PCDHGA2: variants seen among roughly 807,000 people sequenced by gnomAD.
PCDHGA2 encodes the protein protocadherin gamma subfamily A, 2, also known as protocadherin gamma-A2.
Under a neutral mutation model 59.2 loss-of-function variants are expected in PCDHGA2, and 40 were observed. The ratio of observed to expected loss-of-function variants is 0.68; its 90% CI spans 0.52 to 0.88. The LOEUF (loss-of-function observed/expected upper bound fraction) is 0.88, where lower values mean the gene tolerates loss of function less well. Among genes scored for constraint, PCDHGA2 ranks in the 40% least tolerant of loss-of-function variants. The pLI, the probability that PCDHGA2 is intolerant of heterozygous loss-of-function variation, is 0.00. For synonymous variants in PCDHGA2, 560 were observed against 526.0 expected, an observed-to-expected ratio of 1.06 and a Z score of -0.89; for missense variants, 1,226 against 1,204.0, an observed-to-expected ratio of 1.02 and a Z score of -0.27.
intron 1 of PCDHGA2, chr5:141,365,630 A>G (rs1486638134): frequency 6.2e-7 from 1 of 1,613,404 alleles, no homozygotes; most frequent in East Asian, 2.2e-5. Context: ...GCCCCTCTCT[A>G]CAGAAAGCCA....
At chr5:141,371,919 G>A (rs765232758) in intron 1 of PCDHGA2, 2 of 1,613,372 alleles carry the variant, frequency 1.2e-6, no homozygotes, top group East Asian at 2.2e-5. Flanking sequence ...GTCCGTGAGC[G>A]CGCGGAGCGG....
chr5:141,357,310 T>C (rs1286451893), intron 1 of PCDHGA2: 2 of 1,613,980 alleles, frequency 1.2e-6, no homozygotes, highest in Non-Finnish European at 1.7e-6. Flanking sequence ...CTCCTGCGTC[T>C]TCCTGGCTTT....
chr5:141,439,363 A>G (rs922889903), intron 1 of PCDHGA2, among the ~76,000 whole-genome samples: 2 of 152,208 alleles, frequency 1.3e-5, no homozygotes, highest in African/African-American at 2.4e-5. Context: ...TCAAACATCA[A>G]GAAGAAATAA....
chr5:141,355,101 G>T, intron 1 of PCDHGA2: 2 of 1,500,200 alleles, frequency 1.3e-6, no homozygotes, highest in Non-Finnish European at 1.8e-6. Flanking sequence ...GAGAGCTCTG[G>T]CTGTGAATGC....
chr5:141,421,161 T>C (rs2096550274), intron 1 of PCDHGA2: 7 of 1,259,920 alleles, frequency 5.6e-6, no homozygotes, highest in Non-Finnish European at 7.5e-6. Flanking sequence ...TAGGACTTCA[T>C]AGATACATAA....
intron 1 of PCDHGA2, among the ~76,000 whole-genome samples, chr5:141,445,132 G>T (rs921068835): frequency 2.6e-5 from 4 of 152,026 alleles, no homozygotes; most frequent in Non-Finnish European, 5.9e-5. Flanking sequence ...TTTTAAAATT[G>T]TATCTTCTAA....
rs1449695914 is a variant in PCDHGA2, at chr5:141,339,877, A to G, written c.906A>G (p.Thr302=). 6.2e-7 allele frequency: 1 copy of G among 1,614,074 alleles called. No homozygotes were observed. The highest frequency in any genetic ancestry group is 8.5e-7 in the Non-Finnish European group (1 of 1,180,020). ...TTAAGTCAACATCTGGAGAACTGAC[A>G]ATCATAAAAGATCTAGATTATGAGG... ...FELKSTSGEL[T]IIKDLDYEDA... Residue 302 remains threonine (T), a synonymous_variant, in exon 1 of 4, where the codon ACA becomes ACG. Coordinates refer to ENST00000394576, the MANE Select transcript of PCDHGA2 (RefSeq NM_018915.4).
At chr5:141,418,326 C>T (rs1398536611) in intron 1 of PCDHGA2, 2 of 1,613,986 alleles carry the variant, frequency 1.2e-6, no homozygotes, top group Non-Finnish European at 1.7e-6. Context: ...ATTCTTGAGT[C>T]TGCAGAAGAT....
intron 1 of PCDHGA2, chr5:141,389,554 C>T: frequency 1.2e-6 from 2 of 1,613,184 alleles, no homozygotes; most frequent in South Asian, 1.1e-5. Context: ...AACGACAATG[C>T]GCCACGGGTG....
chr5:141,502,516 A>G (rs947349505), intron 2 of PCDHGA2, among the ~76,000 whole-genome samples: 1 of 152,146 alleles, frequency 6.6e-6, no homozygotes, highest in African/African-American at 2.4e-5. Flanking sequence ...TCCCACTATC[A>G]GTGATGCCGA....
chr5:141,394,891 TCGTGGTGGCAGTGG>T (rs1346277751), intron 1 of PCDHGA2: 11 of 1,613,892 alleles, frequency 6.8e-6, no homozygotes, highest in Non-Finnish European at 9.3e-6. Flanking sequence ...ACACTCTATC[TCGTGGTGGCAGTGG>T]CTGCCATCTC....
Position 141,339,861 on chromosome 5 carries a change from C to T in PCDHGA2, c.890C>T (p.Thr297Ile), listed in dbSNP as rs1225796950. Residue 297 changes from threonine (T) to isoleucine (I), a missense_variant, in exon 1 of 4, where the codon ACA becomes ATA. By Grantham distance (89) the Thr-to-Ile change is moderately conservative. Transcript: ENST00000394576. ...ETSEVFELKS[T>I]SGELTIIKDL... Reference sequence around the variant, plus strand: ...TCAGAGGTATTTGAGCTTAAGTCAACATCTGGAGAACTGACAATCATAAAA... The same window carrying T: ...TCAGAGGTATTTGAGCTTAAGTCAATATCTGGAGAACTGACAATCATAAAA... The T allele has an allele frequency of 6.2e-7, 1 of 1,614,026 alleles. No individual in the cohort carries two copies. Among genetic ancestry groups the T allele is most frequent in the East Asian group, 2.2e-5 (1 of 44,898 alleles).
At chr5:141,450,826 A>C (rs965147554) in intron 1 of PCDHGA2, among the ~76,000 whole-genome samples, 1 of 134,302 alleles carries the variant, frequency 7.4e-6, no homozygotes, top group African/African-American at 2.9e-5. Context: ...TATTATTATT[A>C]TTATTTTTTT....
Position 141,493,760 on chromosome 5 carries a change from G to C in PCDHGA2, c.2425-1047G>C, listed in dbSNP as rs1268832909. On this transcript the variant is annotated intron_variant, in intron 1 of 3. Coordinates refer to ENST00000394576, the MANE Select transcript of PCDHGA2 (RefSeq NM_018915.4). The surrounding 1 kb of genome is among the most constrained non-coding windows in gnomAD (Gnocchi z 4.3). ...ACTGCCACCTGTGAGCCTTGAGTGA[G>C]CCACTGGCAGTTCCGGAGCTTCCTT... Among the ~76,000 whole-genome samples, 1 of 152,166 alleles carries C rather than the reference G, an allele frequency of 6.6e-6. No individual in the cohort carries two copies. The highest frequency in any genetic ancestry group is 1.5e-5 in the Non-Finnish European group (1 of 68,022).
intron 1 of PCDHGA2, chr5:141,372,535 G>T (rs1257455687): frequency 1.9e-6 from 3 of 1,613,808 alleles, no homozygotes; most frequent in East Asian, 2.2e-5. Flanking sequence ...ATCTCCCTGC[G>T]CCTGCGATGC....
intron 1 of PCDHGA2, among the ~76,000 whole-genome samples, chr5:141,448,869 T>C (rs1375609555): frequency 6.6e-6 from 1 of 151,930 alleles, no homozygotes; most frequent in Non-Finnish European, 1.5e-5. Flanking sequence ...GGCGTGAACC[T>C]GGGAGGCGGA....
intron 1 of PCDHGA2, chr5:141,350,858 G>A: frequency 9.9e-6 from 16 of 1,614,058 alleles, no homozygotes; most frequent in Non-Finnish European, 1.3e-5. Context: ...TCTAGACAGG[G>A]AACATCAGAG....
At chr5:141,360,076 T>C (rs890042967) in intron 1 of PCDHGA2, 1 of 1,480,118 alleles carries the variant, frequency 6.8e-7, no homozygotes, top group Non-Finnish European at 9.0e-7. Context: ...TTAGCCCGGA[T>C]TCTGCCATCC....
chr5:141,409,756 C>G, intron 1 of PCDHGA2: 1 of 1,612,994 alleles, frequency 6.2e-7, no homozygotes, highest in Non-Finnish European at 8.5e-7. Context: ...TCGCGCAGCG[C>G]GCCTTTGATC....
Sources: gnomAD v4.1 joint callset for allele counts (sites outside exome capture counted in the v4.1 genomes callset) on GRCh38, gnomAD v4.1.1 for gene constraint, Gnocchi (gnomAD v3.1) non-coding constraint, MANE v1.5 for transcripts, NCBI Gene and HGNC (gene_info 2026-07-23, HGNC 2026-07-21) for gene names.